The following PUM2 variants were observed in gnomAD, a reference collection of about 807,000 sequenced individuals.
The protein encoded by PUM2 is pumilio homolog 2.
Under a neutral mutation model 124.5 loss-of-function variants are expected in PUM2, and 57 were observed. The observed-to-expected ratio is 0.46, with a 90% CI of 0.37 to 0.57. The LOEUF (loss-of-function observed/expected upper bound fraction) is 0.57, where lower values mean the gene tolerates loss of function less well. Ranked by LOEUF, PUM2 falls within the 20% of genes least tolerant of loss-of-function variation. PUM2 has a pLI of 0.00. For missense variants in PUM2, 1,065 were observed against 1,290.6 expected (o/e 0.83, Z 2.68); for synonymous variants, 460 against 446.1 (o/e 1.03, Z -0.39).
chr2:20,266,167 C>G (rs572239878), intron 13 of PUM2, among the ~76,000 whole-genome samples: 2 of 152,206 alleles, frequency 1.3e-5, no homozygotes, highest in African/African-American at 4.8e-5. Context: ...TTTGGCCAGG[C>G]GCGGTGGCTC....
chr2:20,326,822 G>A (rs1392458077), intron 2 of PUM2, among the ~76,000 whole-genome samples: 2 of 152,218 alleles, frequency 1.3e-5, no homozygotes, highest in South Asian at 2.1e-4. Flanking sequence ...CTAGAAGCCA[G>A]ATGAAGGGCT....
intron 13 of PUM2, among the ~76,000 whole-genome samples, chr2:20,277,641 T>C (rs1229468471): frequency 1.3e-5 from 2 of 152,132 alleles, no homozygotes; most frequent in Admixed American, 6.6e-5. Context: ...TTTAAATAGC[T>C]ATACCCATGT....
rs1279920321 is a variant in PUM2, at chr2:20,252,042, C to T, written c.3064-326G>A. On this transcript the variant is annotated intron_variant, in intron 20 of 20. Transcript: ENST00000361078. The stretch of plus-strand genomic sequence containing the variant: ...AAAAAATTACAAAAAGACTTTTGTA[C>T]AAAGCACTACTTATAACAATTAAAC... Among the ~76,000 whole-genome samples the T allele has an allele frequency of 2.6e-5, 4 of 152,086 alleles. No individual in the cohort carries two copies. In the East Asian group the frequency reaches 5.8e-4, roughly 22 times the overall value.
chr2:20,283,840 G>A (rs1672117654), intron 10 of PUM2, among the ~76,000 whole-genome samples: 2 of 152,082 alleles, frequency 1.3e-5, no homozygotes, highest in African/African-American at 2.4e-5. Flanking sequence ...TGGGAGTAGC[G>A]AGGTAGAACA....
intron 20 of PUM2, among the ~76,000 whole-genome samples, chr2:20,252,692 A>C (rs958208634): frequency 6.6e-6 from 1 of 152,246 alleles, no homozygotes; most frequent in Non-Finnish European, 1.5e-5. Context: ...AGGAGGATAC[A>C]GAGAGGAAAC....
chr2:20,294,571 A>G (rs926136383), intron 8 of PUM2, 53 bp from the exon 9 acceptor site: 9 of 1,532,268 alleles, frequency 5.9e-6, no homozygotes, highest in Middle Eastern at 1.7e-4. Context: ...TTACATAGAC[A>G]TGAGGTTAGC....
intron 18 of PUM2, 84 bp from the exon 19 acceptor site, chr2:20,255,068 A>T: frequency 6.6e-7 from 1 of 1,515,534 alleles, no homozygotes; most frequent in Non-Finnish European, 9.0e-7. Flanking sequence ...CATTTCATCT[A>T]AAAATCCAGT....
chr2:20,326,712 C>G (rs981641926), intron 2 of PUM2, among the ~76,000 whole-genome samples: 1 of 152,054 alleles, frequency 6.6e-6, no homozygotes, highest in Non-Finnish European at 1.5e-5. Flanking sequence ...TTAAGAAATG[C>G]GAAGTGCCTA....
chr2:20,282,193 T>TATC (rs1671695358), intron 12 of PUM2, among the ~76,000 whole-genome samples: 1 of 152,206 alleles, frequency 6.6e-6, no homozygotes, highest in Non-Finnish European at 1.5e-5. Context: ...ACACCAAGTG[T>TATC]ATCAACAAGA....
intron 19 of PUM2, among the ~76,000 whole-genome samples, 171 bp downstream of exon 19, chr2:20,254,692 T>C (rs1051323495): frequency 6.6e-6 from 1 of 152,172 alleles, no homozygotes; most frequent in African/African-American, 2.4e-5. Context: ...AACAAATTTG[T>C]TATGTAGATT....
chr2:20,325,566 A>T (rs1173890041), intron 2 of PUM2, among the ~76,000 whole-genome samples: 4 of 152,174 alleles, frequency 2.6e-5, no homozygotes, highest in South Asian at 2.1e-4. Flanking sequence ...TATACAATAT[A>T]CATCTAAGAA....
At chr2:20,297,294 A>C (rs1675847381) in intron 8 of PUM2, among the ~76,000 whole-genome samples, 1 of 152,166 alleles carries the variant, frequency 6.6e-6, no homozygotes, top group Admixed American at 6.5e-5. Context: ...TTCATGGTTG[A>C]CTATATAGAT....
intron 16 of PUM2, among the ~76,000 whole-genome samples, chr2:20,256,523 C>A (rs931173370): frequency 1.3e-5 from 2 of 152,068 alleles, no homozygotes; most frequent in South Asian, 4.1e-4. Context: ...ATTTATCGGG[C>A]GGTAACTAAC....
chr2:20,278,511 T>C lies in PUM2; in HGVS notation c.1957+72A>G. 8 of 1,228,858 alleles carry C rather than the reference T, an allele frequency of 6.5e-6. No individual in the cohort carries two copies. The South Asian group carries it at 7.3e-5, about 11-fold the overall frequency. The allele number at this position is 1,228,858 out of a possible 1,614,324, so 76.1% of individuals were successfully genotyped here. A position where few individuals can be genotyped will look rare whatever the true frequency, so the allele number is the denominator to read the frequency against. ...TAACCAACATTAAATATTTTACATA[T>C]ATTATAAACACACACACAAACACAC... is the stretch of plus-strand genomic sequence containing the variant. On this transcript the variant is annotated intron_variant, in intron 13 of 20. Transcript: ENST00000361078.
intron 13 of PUM2, among the ~76,000 whole-genome samples, chr2:20,272,177 A>C (rs1669195829): frequency 6.6e-6 from 1 of 151,804 alleles, no homozygotes; most frequent in Non-Finnish European, 1.5e-5. Flanking sequence ...GAATGAATGA[A>C]TGAATGAATG....
intron 7 of PUM2, among the ~76,000 whole-genome samples, chr2:20,301,221 T>C (rs1676892237): frequency 6.6e-6 from 1 of 152,216 alleles, no homozygotes; most frequent in African/African-American, 2.4e-5. Context: ...CTTGGCAAAA[T>C]AAACTTTCTA....
At chr2:20,266,496 A>G (rs1667695010) in intron 13 of PUM2, among the ~76,000 whole-genome samples, 1 of 152,018 alleles carries the variant, frequency 6.6e-6, no homozygotes, top group Non-Finnish European at 1.5e-5. Flanking sequence ...CACCAAAAAA[A>G]AAAAAAGAGA....
At chr2:20,285,638 TC>T (rs1369352398) in intron 10 of PUM2, among the ~76,000 whole-genome samples, 3 of 152,176 alleles carry the variant, frequency 2.0e-5, no homozygotes, top group Non-Finnish European at 4.4e-5. Context: ...CATAAATTCA[TC>T]CATTTGACAA....
rs552723498 is a variant in PUM2 at position 20,256,870 on chromosome 2, C to T, written c.2485-700G>A. ...GAGACCAGCCCGGGCGACATGGCTC[C>T]GATTACTACCAAAAATACAAAAAAC... On this transcript the variant is annotated intron_variant, in intron 16 of 20. Coordinates refer to ENST00000361078, the MANE Select transcript of PUM2 (RefSeq NM_015317.5). 8.6e-4 allele frequency among the ~76,000 whole-genome samples: 131 copies of T among 151,746 alleles called. 1 individual carries two copies. The highest frequency in any genetic ancestry group is 1.4e-3 in the Non-Finnish European group (98 of 67,914).
Sources: gnomAD v4.1 joint callset for allele counts (sites outside exome capture counted in the v4.1 genomes callset) on GRCh38, gnomAD v4.1.1 for gene constraint, MANE v1.5 for transcripts, NCBI Gene and HGNC (gene_info 2026-07-23, HGNC 2026-07-21) for gene names.